The following ADCY2 variants were observed in gnomAD, a reference collection of about 807,000 sequenced individuals.
ADCY2 encodes adenylate cyclase type 2.
ADCY2 carries 31 observed loss-of-function variants against 125.2 expected under a neutral mutation model. The ratio of observed to expected loss-of-function variants is 0.25; its 90% confidence interval spans 0.19 to 0.33. ADCY2 has a LOEUF of 0.33. Ranked by LOEUF, ADCY2 falls within the 10% of genes least tolerant of loss-of-function variation. ADCY2 has a pLI of 1.00. For synonymous variants in ADCY2, 512 were observed against 548.4 expected (o/e 0.93, Z 0.93); for missense variants, 904 against 1,418.2 (o/e 0.64, Z 5.82).
At chr5:7,682,285 G>A (rs1740364045) in intron 4 of ADCY2, among the ~76,000 whole-genome samples, 1 of 152,154 alleles carries the variant, frequency 6.6e-6, no homozygotes, top group African/African-American at 2.4e-5. Context: ...AGGAGAGGGT[G>A]CATTTCCGTG....
At chr5:7,578,622 A>C (rs1179718502) in intron 3 of ADCY2, among the ~76,000 whole-genome samples, 2 of 152,280 alleles carry the variant, frequency 1.3e-5, no homozygotes, top group African/African-American at 4.8e-5. Flanking sequence ...AATATTTTGG[A>C]ATCGTGGGCA....
chr5:7,450,444 A>G (rs35941361), intron 2 of ADCY2, among the ~76,000 whole-genome samples: 13,340 of 152,270 alleles, frequency 0.088, 994 homozygotes, highest in African/African-American at 0.21. Flanking sequence ...GAAGGCTGAG[A>G]AAGGTGAGGA....
intron 4 of ADCY2, among the ~76,000 whole-genome samples, chr5:7,670,697 A>C (rs1739904433): frequency 6.6e-6 from 1 of 152,234 alleles, no homozygotes; most frequent in African/African-American, 2.4e-5. Flanking sequence ...CCCTCAGATC[A>C]TCAGTCATTA....
rs60522136 is a variant in ADCY2, at chr5:7,497,318, G to T, written c.409-23420G>T. Among the ~76,000 whole-genome samples the T allele has an allele frequency of 9.4e-3, 1,426 of 152,038 alleles. 22 individuals are homozygous for T. The highest frequency in any genetic ancestry group is 0.032 in the African/African-American group (1,335 of 41,432). ...ATTTTTGTGATATTAAAATGTATATGGTTTATAATTAAAAGAATAAAAATG... is the reference window on the plus strand; with the variant it reads ...ATTTTTGTGATATTAAAATGTATATTGTTTATAATTAAAAGAATAAAAATG... On this transcript the variant is annotated intron_variant, in intron 2 of 24. Transcript: ENST00000338316.
intron 3 of ADCY2, among the ~76,000 whole-genome samples, chr5:7,538,377 C>G (rs980574412): frequency 1.3e-5 from 2 of 152,090 alleles, no homozygotes; most frequent in African/African-American, 2.4e-5. Context: ...TAATGGAATA[C>G]GACTGAGGAT....
chr5:7,477,487 C>T (rs1215618235), intron 2 of ADCY2, among the ~76,000 whole-genome samples: 1 of 152,134 alleles, frequency 6.6e-6, no homozygotes, highest in East Asian at 1.9e-4. Context: ...AGTTCACCAT[C>T]TAGTACCTGC....
chr5:7,646,300 A>T (rs1738895006), intron 4 of ADCY2, among the ~76,000 whole-genome samples: 1 of 150,866 alleles, frequency 6.6e-6, no homozygotes, highest in South Asian at 2.1e-4. Context: ...CATATTTTCT[A>T]GGAGAACTTA....
intron 2 of ADCY2, among the ~76,000 whole-genome samples, chr5:7,454,261 G>A (rs776886372): frequency 1.3e-5 from 2 of 152,150 alleles, no homozygotes; most frequent in Non-Finnish European, 2.9e-5. Flanking sequence ...GCAATAATGT[G>A]CTTTTAAATT....
At chr5:7,749,878 A>G (rs1055485236) in intron 15 of ADCY2, 2 of 152,312 alleles carry the variant, frequency 1.3e-5, no homozygotes, top group East Asian at 3.9e-4. Context: ...TTTCTACCCC[A>G]CAGCAGTGTT....
At chr5:7,477,942 C>T (rs1420359669) in intron 2 of ADCY2, among the ~76,000 whole-genome samples, 1 of 152,072 alleles carries the variant, frequency 6.6e-6, no homozygotes, top group African/African-American at 2.4e-5. Context: ...AGCTGTGAAC[C>T]TAGGGGCATT....
intron 16 of ADCY2, among the ~76,000 whole-genome samples, chr5:7,760,808 T>C (rs538906239): frequency 4.4e-4 from 67 of 152,266 alleles, no homozygotes; most frequent in African/African-American, 1.5e-3. Flanking sequence ...TACAACAGAA[T>C]ATTATTAACT....
At chr5:7,486,811 T>C (rs1314388265) in intron 2 of ADCY2, among the ~76,000 whole-genome samples, 1 of 152,168 alleles carries the variant, frequency 6.6e-6, no homozygotes, top group Non-Finnish European at 1.5e-5. Context: ...GTTTGTTAGA[T>C]GTGAGCTAAA....
intron 4 of ADCY2, among the ~76,000 whole-genome samples, chr5:7,630,923 G>A (rs989658144): frequency 6.6e-6 from 1 of 151,866 alleles, no homozygotes; most frequent in African/African-American, 2.4e-5. Flanking sequence ...AAGTAGGAGG[G>A]ACTACAGGTG....
chr5:7,776,391 G>A (rs928194197), intron 18 of ADCY2, among the ~76,000 whole-genome samples: 7 of 151,930 alleles, frequency 4.6e-5, no homozygotes, highest in African/African-American at 1.7e-4. Flanking sequence ...CCTGTCTCTG[G>A]GCGCCACATT....
At chr5:7,746,418 C>T (rs1422833054) in intron 15 of ADCY2, 4 of 152,158 alleles carry the variant, frequency 2.6e-5, no homozygotes, top group Non-Finnish European at 4.4e-5. Flanking sequence ...CTGTTTAAAT[C>T]ATTCTTTAAG....
rs1579604356 is a variant in ADCY2 at position 7,589,383 on chromosome 5, A to G, written c.571-36784A>G. Among the ~76,000 whole-genome samples the G allele has an allele frequency of 2.0e-5, 3 of 150,758 alleles. No individual in the cohort carries two copies. The East Asian group carries it at 5.9e-4, about 29-fold the overall frequency. Reference sequence around the variant, plus strand: ...GAAATAAACAATGTCCACTGGCAAAAAAAAAGAAAGAAAGAAGAGAGAAAG... The same window carrying G: ...GAAATAAACAATGTCCACTGGCAAAGAAAAAGAAAGAAAGAAGAGAGAAAG... On this transcript the variant is annotated intron_variant, in intron 3 of 24. Coordinates refer to ENST00000338316, the MANE Select transcript of ADCY2 (RefSeq NM_020546.3).
intron 3 of ADCY2, among the ~76,000 whole-genome samples, chr5:7,583,145 A>G (rs1037809063): frequency 1.3e-5 from 2 of 152,110 alleles, no homozygotes; most frequent in Non-Finnish European, 2.9e-5. Flanking sequence ...AGAAAAGACA[A>G]ATTAGATCTC....
At chr5:7,483,155 AG>A (rs1334762981) in intron 2 of ADCY2, among the ~76,000 whole-genome samples, 3 of 152,172 alleles carry the variant, frequency 2.0e-5, no homozygotes, top group East Asian at 3.9e-4. Flanking sequence ...CTAAATAGTT[AG>A]AAGAGAAGAA....
chr5:7,444,682 G>A (rs1332843908), intron 2 of ADCY2, among the ~76,000 whole-genome samples: 1 of 152,184 alleles, frequency 6.6e-6, no homozygotes, highest in Non-Finnish European at 1.5e-5. Flanking sequence ...GGCAAAGGAT[G>A]AGCATGATAT....
Sources: allele counts gnomAD v4.1 joint callset (sites outside exome capture counted in the v4.1 genomes callset), GRCh38; gene constraint gnomAD v4.1.1; transcripts MANE v1.5; gene names NCBI Gene and HGNC (gene_info 2026-07-23, HGNC 2026-07-21).